Variants in STK38L observed in about 807,000 individuals in gnomAD.
STK38L encodes the protein serine/threonine-protein kinase 38-like.
Under a neutral mutation model 59.7 loss-of-function variants are expected in STK38L, and 28 were observed. That is an observed-to-expected ratio of 0.47 (90% CI 0.35 to 0.64). The LOEUF is 0.64. STK38L is among the 30% of genes least tolerant of loss of function. The probability of loss-of-function intolerance (pLI) is 0.01; values close to 1 mark genes in which losing one functional copy is unlikely to be tolerated. For missense variants in STK38L, 314 were observed against 555.8 expected (o/e 0.56, Z 4.37); for synonymous variants, 162 against 176.8 (o/e 0.92, Z 0.66).
At chr12:27,313,110 C>T (rs530935018) in intron 6 of STK38L, among the ~76,000 whole-genome samples, 10 of 152,014 alleles carry the variant, frequency 6.6e-5, no homozygotes, top group African/African-American at 1.7e-4. Flanking sequence ...TAGCTGGGCG[C>T]AGTGGCGGGC....
chr12:27,302,888 C>T (rs1044316982), intron 3 of STK38L, among the ~76,000 whole-genome samples: 4 of 151,818 alleles, frequency 2.6e-5, no homozygotes, highest in African/African-American at 9.7e-5. Context: ...TGGCAGGCGC[C>T]TGTAGTCCCA....
chr12:27,268,151 T>C (rs1386719740), intron 1 of STK38L, among the ~76,000 whole-genome samples: 1 of 151,856 alleles, frequency 6.6e-6, no homozygotes, highest in Non-Finnish European at 1.5e-5. Context: ...AGTTTTAGGG[T>C]ACGTGTGCAC....
chr12:27,261,393 ATTAAC>A (rs1335890017), intron 1 of STK38L, among the ~76,000 whole-genome samples: 1 of 152,234 alleles, frequency 6.6e-6, no homozygotes, highest in Non-Finnish European at 1.5e-5. Flanking sequence ...ATAGTATCAT[ATTAAC>A]TTATTTGTAA....
intron 1 of STK38L, among the ~76,000 whole-genome samples, chr12:27,275,342 CTTTT>C (rs34162442): frequency 8.0e-6 from 1 of 124,790 alleles, no homozygotes. Flanking sequence ...TAGACTGCAT[CTTTT>C]TTTTTTTTTT....
intron 3 of STK38L, among the ~76,000 whole-genome samples, chr12:27,302,699 T>C (rs1030931177): frequency 2.6e-5 from 4 of 152,116 alleles, no homozygotes; most frequent in Non-Finnish European, 5.9e-5. Context: ...GGCTCCCTTA[T>C]CTCGGGATAT....
intron 12 of STK38L, 99 bp downstream of exon 12, chr12:27,319,522 G>C: frequency 1.3e-6 from 1 of 786,018 alleles, no homozygotes; most frequent in Non-Finnish European, 2.1e-6. Context: ...AAATACAAAA[G>C]TAACATATAA....
intron 1 of STK38L, among the ~76,000 whole-genome samples, chr12:27,295,194 A>T (rs910748254): frequency 3.9e-5 from 6 of 152,244 alleles, no homozygotes; most frequent in Non-Finnish European, 8.8e-5. Flanking sequence ...GCTCATTATT[A>T]TTAAAGCATT....
At chr12:27,314,458 T>C in intron 6 of STK38L, 46 bp from the exon 7 acceptor site, 1 of 1,405,920 alleles carries the variant, frequency 7.1e-7, no homozygotes. Context: ...GTATTCCACC[T>C]TTGAGGCATT....
chr12:27,318,320 A>G (rs534058316), intron 11 of STK38L, among the ~76,000 whole-genome samples: 1 of 152,344 alleles, frequency 6.6e-6, no homozygotes, highest in Non-Finnish European at 1.5e-5. Context: ...GAAAATGTTA[A>G]TAGCAGATTC....
At position 27,301,446 on chromosome 12, in the gene STK38L, G is replaced by A. The variant is rs1261192491; in HGVS notation, c.135-691G>A. ...GCTAATTTTTTTTGTATTTTTAGTA[G>A]ACACGGGGTTTCACAGTGTTAGCCA... On this transcript the variant is annotated intron_variant, in intron 2 of 13. Transcript: ENST00000389032. Among the ~76,000 whole-genome samples the A allele has an allele frequency of 2.0e-5, 3 of 152,082 alleles. No individual in the cohort carries two copies. In the East Asian group the frequency reaches 5.8e-4, roughly 29 times the overall value.
intron 1 of STK38L, among the ~76,000 whole-genome samples, chr12:27,269,067 G>T (rs1289458139): frequency 6.6e-6 from 1 of 152,258 alleles, no homozygotes; most frequent in African/African-American, 2.4e-5. Flanking sequence ...CATTCTGTAG[G>T]TTGCCTGTTC....
chr12:27,316,596 AAT>A (rs1331100630), intron 9 of STK38L, among the ~76,000 whole-genome samples: 1 of 152,158 alleles, frequency 6.6e-6, no homozygotes, highest in African/African-American at 2.4e-5. Context: ...GAGATGACAA[AAT>A]CTGTGGTCCT....
chr12:27,308,930 A>AAT lies in STK38L; in HGVS notation c.310-176_310-175dup, dbSNP rs1181138668. Among the ~76,000 whole-genome samples the AAT allele has an allele frequency of 6.9e-6, 1 of 145,248 alleles. No individual in the cohort carries two copies. Among genetic ancestry groups the AAT allele is most frequent in the South Asian group, 2.1e-4 (1 of 4,734 alleles). On this transcript the variant is annotated intron_variant, in intron 4 of 13. Transcript: ENST00000389032. This position sits in a 1 kb window ranked among gnomAD's most constrained non-coding sequence, Gnocchi z 4.5. The stretch of plus-strand genomic sequence containing the variant: ...TATAAATATATATTAATATATATAA[A>AAT]ATATATATAAATATATATATAACAT...
chr12:27,278,282 A>G (rs1455358186), intron 1 of STK38L, among the ~76,000 whole-genome samples: 1 of 152,212 alleles, frequency 6.6e-6, no homozygotes, highest in African/African-American at 2.4e-5. Context: ...GATTACCACC[A>G]GGCATTTAGT....
intron 1 of STK38L, among the ~76,000 whole-genome samples, chr12:27,288,153 A>G (rs891882805): frequency 2.6e-5 from 4 of 152,204 alleles, no homozygotes; most frequent in African/African-American, 9.6e-5. Context: ...AAGGGGTTAC[A>G]GAGACATGAG....
chr12:27,298,013 T>C lies in STK38L; in HGVS notation c.134+159T>C, dbSNP rs1228897590. 46 of 876,762 alleles carry C rather than the reference T, an allele frequency of 5.2e-5. 1 individual carries two copies. The Admixed American group carries it at 1.2e-3, about 23-fold the overall frequency. 54.3% of individuals were successfully genotyped at this position (876,762 alleles called of 1,614,324 possible). ...ACAGTGCACATAGACATGTGTTTTA[T>C]TTTCACAGAGTAGTTTCCTGAGGTG... On this transcript the variant is annotated intron_variant, in intron 2 of 13. Transcript: ENST00000389032.
intron 1 of STK38L, among the ~76,000 whole-genome samples, chr12:27,290,001 G>A (rs1943860601): frequency 6.6e-6 from 1 of 152,224 alleles, no homozygotes; most frequent in African/African-American, 2.4e-5. Context: ...AATGGCAGCA[G>A]CCCAAGGCAG....
chr12:27,285,364 T>A lies in STK38L; in HGVS notation c.-11-12346T>A, dbSNP rs140090369. Among the ~76,000 whole-genome samples, 57 of 152,344 alleles carry A rather than the reference T, an allele frequency of 3.7e-4. 1 individual carries two copies. Among genetic ancestry groups the A allele is most frequent in the African/African-American group, 1.1e-3 (45 of 41,588 alleles). On this transcript the variant is annotated intron_variant, in intron 1 of 13. Coordinates refer to ENST00000389032, the MANE Select transcript of STK38L (RefSeq NM_015000.4). The stretch of plus-strand genomic sequence containing the variant: ...GAATGCTTTGAATGAATGGGAAAAT[T>A]AAAATTTGAGTTTATATTTGAAATT...
At chr12:27,281,865 T>C (rs10842895) in intron 1 of STK38L, among the ~76,000 whole-genome samples, 1 of 151,782 alleles carries the variant, frequency 6.6e-6, no homozygotes, top group Admixed American at 6.6e-5. Context: ...TGGAACCCCC[T>C]GTCTACTAAA....
Sources: gnomAD v4.1 joint callset for allele counts (sites outside exome capture counted in the v4.1 genomes callset) on GRCh38, gnomAD v4.1.1 for gene constraint, Gnocchi (gnomAD v3.1) non-coding constraint, MANE v1.5 for transcripts, NCBI Gene and HGNC (gene_info 2026-07-23, HGNC 2026-07-21) for gene names.